The following PIK3R6 variants were observed in gnomAD, a reference collection of about 807,000 sequenced individuals.
PIK3R6 encodes the protein phosphoinositide 3-kinase regulatory subunit 6.
A neutral mutation model predicts 84.9 loss-of-function variants in PIK3R6; 91 were observed. The ratio of observed to expected loss-of-function variants is 1.07; its 90% confidence interval spans 0.90 to 1.28. The LOEUF is 1.28. PIK3R6 is among the 50% of genes most tolerant of loss of function. PIK3R6 has a pLI of 0.00. For synonymous variants in PIK3R6, 416 were observed against 411.4 expected (o/e 1.01, Z -0.13); for missense variants, 996 against 985.1 (o/e 1.01, Z -0.15).
chr17:8,829,022 C>T (rs755092170), intron 10 of PIK3R6, 32 bp from the exon 11 acceptor site: 3 of 1,486,606 alleles, frequency 2.0e-6, no homozygotes, highest in Non-Finnish European at 2.7e-6. Context: ...GGTGAGGACA[C>T]GTGAGGCTGG....
chr17:8,829,096 C>T, intron 10 of PIK3R6, 106 bp from the exon 11 acceptor site: 1 of 1,116,326 alleles, frequency 9.0e-7, no homozygotes, highest in Non-Finnish European at 1.2e-6. Context: ...GAAACACAGA[C>T]AGACACATAA....
chr17:8,827,027 C>G, intron 13 of PIK3R6, 145 bp downstream of exon 13: 1 of 940,226 alleles, frequency 1.1e-6, no homozygotes, highest in Non-Finnish European at 1.5e-6. Context: ...CTCTTAAGGT[C>G]AAAGGTCAAG....
chr17:8,836,187 T>A (rs1228446158), intron 7 of PIK3R6, among the ~76,000 whole-genome samples: 1 of 152,010 alleles, frequency 6.6e-6, no homozygotes, highest in Admixed American at 6.6e-5. Flanking sequence ...TATTCTGGAG[T>A]CTCCTCTGGC....
At chr17:8,858,380 G>A (rs989678216) in intron 1 of PIK3R6, among the ~76,000 whole-genome samples, 3 of 141,554 alleles carry the variant, frequency 2.1e-5, no homozygotes, top group African/African-American at 8.0e-5. Flanking sequence ...GCAGTGACGC[G>A]ATCTCGGCTC....
At chr17:8,829,524 ACACT>A (rs34608441) in intron 10 of PIK3R6, among the ~76,000 whole-genome samples, 178 bp downstream of exon 10, 28,632 of 148,556 alleles carry the variant, frequency 0.19, 3,161 homozygotes, top group Non-Finnish European at 0.24. Flanking sequence ...GCATACACAC[ACACT>A]GACACACGCA....
chr17:8,836,945 G>A (rs756950730), intron 5 of PIK3R6, 22 bp from the exon 6 acceptor site: 4 of 1,511,738 alleles, frequency 2.6e-6, no homozygotes, highest in Non-Finnish European at 3.6e-6. Context: ...GGAGGAGGGG[G>A]AGGTGAGAGG....
intron 18 of PIK3R6, among the ~76,000 whole-genome samples, chr17:8,808,000 A>AAAAAT (rs2087251969): frequency 6.6e-6 from 1 of 152,170 alleles, no homozygotes; most frequent in Non-Finnish European, 1.5e-5. Flanking sequence ...CCAGGCAAAC[A>AAAAAT]GGGACAGTTG....
chr17:8,819,477 G>A (rs2087647269), intron 17 of PIK3R6, among the ~76,000 whole-genome samples: 1 of 151,624 alleles, frequency 6.6e-6, no homozygotes, highest in Non-Finnish European at 1.5e-5. Flanking sequence ...ATCTCCTCCT[G>A]CAACCCTTTT....
At chr17:8,810,802 T>C (rs1185190919) in intron 18 of PIK3R6, among the ~76,000 whole-genome samples, 1 of 148,806 alleles carries the variant, frequency 6.7e-6, no homozygotes, top group Non-Finnish European at 1.5e-5. Flanking sequence ...TCTGCCCCTA[T>C]GGCTTTGCAG....
chr17:8,838,598 A>G lies in PIK3R6; in HGVS notation c.155T>C (p.Val52Ala). ...KVERDPGKSP[V>A]LVRILLRELE... ...TTCTCTGAGAAGAATGCGGACCAGCACTGGGCTCTTACCGGGATCTCGCTC... is the reference window on the plus strand; with the variant it reads ...TTCTCTGAGAAGAATGCGGACCAGCGCTGGGCTCTTACCGGGATCTCGCTC... The change falls in exon 4 of 20, where the codon GTG becomes GCG. Residue 52 changes from valine to alanine, a missense_variant. Physicochemically the swap from Val to Ala is moderately conservative, Grantham distance 64. Transcript: ENST00000619866. 1.2e-6 allele frequency: 2 copies of G among 1,606,930 alleles called. No homozygotes were observed. Among genetic ancestry groups the G allele is most frequent in the Middle Eastern group, 1.7e-4 (1 of 6,056 alleles).
chr17:8,813,592 G>A (rs547198695), intron 18 of PIK3R6, among the ~76,000 whole-genome samples: 2 of 152,260 alleles, frequency 1.3e-5, no homozygotes, highest in Non-Finnish European at 2.9e-5. Flanking sequence ...ACAATGCAAG[G>A]TTGGTTCAAC....
At chr17:8,861,356 A>T (rs1346155473) in intron 1 of PIK3R6, among the ~76,000 whole-genome samples, 2 of 152,182 alleles carry the variant, frequency 1.3e-5, no homozygotes, top group Non-Finnish European at 2.9e-5. Context: ...AACACAGTGC[A>T]TCTCTGTACT....
At chr17:8,815,018 C>T (rs148999943) in intron 18 of PIK3R6, among the ~76,000 whole-genome samples, 294 of 152,254 alleles carry the variant, frequency 1.9e-3, no homozygotes, top group African/African-American at 6.8e-3. Flanking sequence ...AGTTCACATT[C>T]AAAGAAATCC....
intron 2 of PIK3R6, among the ~76,000 whole-genome samples, chr17:8,840,666 A>C (rs1279973631): frequency 1.4e-5 from 2 of 147,408 alleles, no homozygotes; most frequent in African/African-American, 4.9e-5. Flanking sequence ...ATATATATGA[A>C]ATATATATAT....
In PIK3R6 at chr17:8,823,011, AATCTTGG is replaced by A. The variant is rs761188761; in HGVS notation, c.1695_1701del (p.Gln566LeufsTer48). 1 of 1,607,454 alleles carries A rather than the reference AATCTTGG, an allele frequency of 6.2e-7. No homozygotes were observed. The highest frequency in any genetic ancestry group is 1.1e-5 in the South Asian group (1 of 90,896). ...AGATGCTTACCTTTGGGGAATTTAG[AATCTTGG>A]ATCTTCACCTTCAGTTCAATGAGGA... On this transcript the variant is annotated frameshift_variant, in exon 15 of 20. Transcript: ENST00000619866. LOFTEE classifies it high-confidence loss of function.
chr17:8,824,587 C>T (rs2087857356), intron 13 of PIK3R6, among the ~76,000 whole-genome samples: 1 of 152,192 alleles, frequency 6.6e-6, no homozygotes, highest in Admixed American at 6.5e-5. Context: ...CTGGTATCTT[C>T]ATGTGGAAAC....
chr17:8,817,964 T>C (rs2087598211), intron 18 of PIK3R6, among the ~76,000 whole-genome samples: 1 of 150,796 alleles, frequency 6.6e-6, no homozygotes, highest in Non-Finnish European at 1.5e-5. Context: ...TGAGCATGTG[T>C]AGGCTAAGCG....
In PIK3R6 at chr17:8,836,808, G is replaced by A. The variant is rs1555535463; in HGVS notation, c.374C>T (p.Thr125Met). 4.4e-6 allele frequency: 7 copies of A among 1,608,096 alleles called. No homozygotes were observed. The highest frequency in any genetic ancestry group is 4.5e-5 in the East Asian group (2 of 44,712). ...VALDCAIRLKTEMAVPGTLYQ... is the reference protein window; with the variant it reads ...VALDCAIRLKMEMAVPGTLYQ... Reference sequence around the variant, plus strand: ...ACTCTTACCTGGGACAGCCATCTCCGTTTTCAGCCTTATCGCGCAGTCCAA... The same window carrying A: ...ACTCTTACCTGGGACAGCCATCTCCATTTTCAGCCTTATCGCGCAGTCCAA... Residue 125 changes from threonine (T) to methionine (M), a missense_variant, in exon 6 of 20, where the codon ACG (threonine) becomes ATG (methionine). By Grantham distance (81) the Thr-to-Met change is moderately conservative (BLOSUM62 -1). Transcript: ENST00000619866.
chr17:8,858,371 C>G, intron 1 of PIK3R6, among the ~76,000 whole-genome samples: 1 of 133,236 alleles, frequency 7.5e-6, no homozygotes, highest in Non-Finnish European at 1.5e-5. Flanking sequence ...GGCTGGAGTG[C>G]AGTGACGCGA....
Sources: gnomAD v4.1 joint callset for allele counts (sites outside exome capture counted in the v4.1 genomes callset) on GRCh38, gnomAD v4.1.1 for gene constraint, MANE v1.5 for transcripts, NCBI Gene and HGNC (gene_info 2026-07-23, HGNC 2026-07-21) for gene names.